Variants in ARRB1 observed in about 807,000 individuals in gnomAD.
ARRB1 encodes the protein beta-arrestin-1.
A neutral mutation model predicts 56.8 loss-of-function variants in ARRB1; 21 were observed. The observed-to-expected ratio is 0.37, with a 90% CI of 0.26 to 0.53. The LOEUF is 0.53. Ranked by LOEUF, ARRB1 falls within the 20% of genes least tolerant of loss-of-function variation. The pLI is 0.88. For missense variants in ARRB1, 424 were observed against 553.7 expected (o/e 0.77, Z 2.35); for synonymous variants, 210 against 218.6 (o/e 0.96, Z 0.35).
At chr11:75,294,260 G>T (rs778000161) in intron 1 of ARRB1, among the ~76,000 whole-genome samples, 11 of 152,068 alleles carry the variant, frequency 7.2e-5, no homozygotes, top group Admixed American at 5.2e-4. Flanking sequence ...CCAACTTATG[G>T]CTGGGCATGG....
rs1945844702 is a variant in ARRB1 at position 75,263,545 on chromosome 11, G to A, written c.*2618C>T. 6.6e-6 allele frequency among the ~76,000 whole-genome samples: 1 copy of A among 152,156 alleles called. No individual in the cohort carries two copies. Among genetic ancestry groups the A allele is most frequent in the Non-Finnish European group, 1.5e-5 (1 of 68,020 alleles). ...CACCATAGGGACCAGCAGCCACCAG[G>A]AGCCCTGAAGGCAACTGCCCTCTAT... On this transcript the variant is annotated 3_prime_UTR_variant, in exon 16 of 16. Coordinates refer to ENST00000420843, the MANE Select transcript of ARRB1 (RefSeq NM_004041.5).
At chr11:75,268,439 A>C (rs1347546617) in intron 14 of ARRB1, among the ~76,000 whole-genome samples, 1 of 132,992 alleles carries the variant, frequency 7.5e-6, no homozygotes, top group African/African-American at 2.7e-5. Flanking sequence ...TGGGAGGCGG[A>C]GGTTGCAGTG....
chr11:75,286,924 A>C (rs1422766722), intron 3 of ARRB1, among the ~76,000 whole-genome samples: 3 of 151,784 alleles, frequency 2.0e-5, no homozygotes, highest in Non-Finnish European at 4.4e-5. Context: ...TCCTCTATCT[A>C]CTCACTCTAT....
chr11:75,261,501 A>G lies in ARRB1; in HGVS notation c.*4662T>C, dbSNP rs1945790505. The G allele has an allele frequency of 6.6e-6, 1 of 152,210 alleles. No individual in the cohort carries two copies. Among genetic ancestry groups the G allele is most frequent in the African/African-American group, 2.4e-5 (1 of 41,450 alleles). 9.4% of individuals were successfully genotyped at this position (152,210 alleles called of 1,614,324 possible). ...GCCTCCACTCCCATCTTCCCACTTT[A>G]GCATCCCCTGACAAAGCTCTGTGGA... On this transcript the variant is annotated 3_prime_UTR_variant, in exon 16 of 16. Transcript: ENST00000420843.
In ARRB1 at chr11:75,265,082, C is replaced by G. The variant is rs1205840746; in HGVS notation, c.*1081G>C. 6.6e-6 allele frequency: 1 copy of G among 152,200 alleles called. No homozygotes were observed. The allele number at this position is 152,200 out of a possible 1,614,324, so 9.4% of individuals were successfully genotyped here. ...ATGCTGCCACCTTCTGAGATAGGAC[C>G]CCCTTTGACTGTGGCATGGTGGCCT... On this transcript the variant is annotated 3_prime_UTR_variant, in exon 16 of 16. Coordinates refer to ENST00000420843, the MANE Select transcript of ARRB1 (RefSeq NM_004041.5).
chr11:75,275,508 G>A (rs1261788022), intron 10 of ARRB1, among the ~76,000 whole-genome samples: 2 of 152,118 alleles, frequency 1.3e-5, no homozygotes, highest in African/African-American at 4.8e-5. Flanking sequence ...AGCTATTTGG[G>A]CACCCATATA....
At chr11:75,277,342 G>T (rs1429192987) in intron 9 of ARRB1, 22 bp downstream of exon 9, 2 of 1,609,572 alleles carry the variant, frequency 1.2e-6, no homozygotes, top group African/African-American at 2.7e-5. Flanking sequence ...TGTCCCCTAA[G>T]CTGACCCTCT....
intron 1 of ARRB1, among the ~76,000 whole-genome samples, chr11:75,334,382 T>A (rs1565144882): frequency 6.6e-6 from 1 of 150,550 alleles, no homozygotes; most frequent in African/African-American, 2.4e-5. Context: ...CCACAGTTTA[T>A]AACCACTTTC....
At chr11:75,303,271 G>A (rs955927421) in intron 1 of ARRB1, among the ~76,000 whole-genome samples, 1 of 152,112 alleles carries the variant, frequency 6.6e-6, no homozygotes, top group African/African-American at 2.4e-5. Flanking sequence ...CAAAGTGTTG[G>A]GATTACAGGT....
intron 1 of ARRB1, among the ~76,000 whole-genome samples, chr11:75,348,397 A>G (rs1165538186): frequency 6.6e-6 from 1 of 151,950 alleles, no homozygotes; most frequent in Non-Finnish European, 1.5e-5. Context: ...GCCTCCCACA[A>G]CACATGTCAT....
chr11:75,271,573 A>T, intron 13 of ARRB1, 128 bp downstream of exon 13: 1 of 1,058,582 alleles, frequency 9.4e-7, no homozygotes, highest in Non-Finnish European at 1.3e-6. Flanking sequence ...CTCACACCTG[A>T]ACCTGGCTAT....
Position 75,318,808 on chromosome 11 carries a change from C to G in ARRB1, c.21-28769G>C, listed in dbSNP as rs115854157. On this transcript the variant is annotated intron_variant, in intron 1 of 15. Coordinates refer to ENST00000420843, the MANE Select transcript of ARRB1 (RefSeq NM_004041.5). ...TTGCATTTCTAAAGGGGATGCTGAT[C>G]CTGTGGCCCACAGACACTGAGAACT... 5.5e-3 allele frequency among the ~76,000 whole-genome samples: 832 copies of G among 152,240 alleles called. 3 individuals are homozygous for G. Among genetic ancestry groups the G allele is most frequent in the African/African-American group, 0.019 (795 of 41,532 alleles).
intron 2 of ARRB1, among the ~76,000 whole-genome samples, chr11:75,287,942 A>T (rs1386746920): frequency 6.6e-6 from 1 of 151,980 alleles, no homozygotes; most frequent in Non-Finnish European, 1.5e-5. Flanking sequence ...AGATCCCTGC[A>T]ACCTCCGCCT....
Position 75,264,571 on chromosome 11 carries a change from G to C in ARRB1, c.*1592C>G, listed in dbSNP as rs549786482. The C allele has an allele frequency of 1.6e-4, 24 of 152,342 alleles. No homozygotes were observed. Among genetic ancestry groups the C allele is most frequent in the African/African-American group, 5.8e-4 (24 of 41,560 alleles). The allele number at this position is 152,342 out of a possible 1,614,324, so 9.4% of individuals were successfully genotyped here. A position where few individuals can be genotyped will look rare whatever the true frequency, so the allele number is the denominator to read the frequency against. On this transcript the variant is annotated 3_prime_UTR_variant, in exon 16 of 16. Transcript: ENST00000420843. ...CAATCCCTTCCCAGTCTTGGGCACA[G>C]GGTGGGGTTGAGGGCAGTTGGTGCT...
intron 15 of ARRB1, 112 bp downstream of exon 15, chr11:75,267,540 G>C: frequency 9.0e-7 from 1 of 1,109,248 alleles, no homozygotes; most frequent in African/African-American, 1.5e-5. Context: ...CTCAGCAGAC[G>C]GGGTTAGACC....
intron 1 of ARRB1, among the ~76,000 whole-genome samples, chr11:75,295,070 A>G (rs1220249176): frequency 6.6e-6 from 1 of 151,978 alleles, no homozygotes; most frequent in Non-Finnish European, 1.5e-5. Flanking sequence ...CAAAAATACA[A>G]AAATTAGCCA....
chr11:75,346,402 T>A (rs1305256712), intron 1 of ARRB1, among the ~76,000 whole-genome samples: 6 of 151,676 alleles, frequency 4.0e-5, no homozygotes, highest in Admixed American at 1.3e-4. Context: ...AGGGAGGGGG[T>A]GGATGAGATA....
In ARRB1 at chr11:75,279,885, C is replaced by T. The variant is rs371673639; in HGVS notation, c.483-1141G>A. On this transcript the variant is annotated intron_variant, in intron 7 of 15. Transcript: ENST00000420843. Reference sequence around the variant, plus strand: ...GTTTCACCATGTTGGCCAGGCTGGTCTGGAACTCCTGGCCTCAAGTAATAT... The same window carrying T: ...GTTTCACCATGTTGGCCAGGCTGGTTTGGAACTCCTGGCCTCAAGTAATAT... Among the ~76,000 whole-genome samples, 57 of 152,290 alleles carry T rather than the reference C, an allele frequency of 3.7e-4. 1 individual carries two copies. In the South Asian group the frequency reaches 0.01, roughly 27 times the overall value.
chr11:75,334,306 C>CAAAA lies in ARRB1; in HGVS notation c.20+17278_20+17281dup, dbSNP rs11403871. On this transcript the variant is annotated intron_variant, in intron 1 of 15. Transcript: ENST00000420843. ...TGACAGGGCAAGACTCCGTCTCAAA[C>CAAAA]AAAAAAAAAAAAAAAAAAAAGGCCC... Among the ~76,000 whole-genome samples the CAAAA allele has an allele frequency of 2.5e-4, 27 of 109,710 alleles. 2 individuals are homozygous for CAAAA. Among genetic ancestry groups the CAAAA allele is most frequent in the African/African-American group, 4.6e-4 (13 of 28,082 alleles). 72.0% of individuals were successfully genotyped at this position (109,710 alleles called of 152,430 possible).
Sources: gnomAD v4.1 joint callset for allele counts (sites outside exome capture counted in the v4.1 genomes callset) on GRCh38, gnomAD v4.1.1 for gene constraint, MANE v1.5 for transcripts, NCBI Gene and HGNC (gene_info 2026-07-23, HGNC 2026-07-21) for gene names.